PTPRM: variants seen among roughly 807,000 people sequenced by gnomAD.
PTPRM encodes protein tyrosine phosphatase receptor type M, also known as receptor-type tyrosine-protein phosphatase mu.
A neutral mutation model predicts 186.7 loss-of-function variants in PTPRM; 47 were observed. That is an observed-to-expected ratio of 0.25 (90% CI 0.20 to 0.32). PTPRM has a LOEUF of 0.32. Ranked by LOEUF, PTPRM falls within the 10% of genes least tolerant of loss-of-function variation. The probability of loss-of-function intolerance (pLI) is 1.00; values close to 1 mark genes in which losing one functional copy is unlikely to be tolerated. For missense variants in PTPRM, 1,494 were observed against 1,865.0 expected (o/e 0.80, Z 3.66); for synonymous variants, 668 against 674.9 (o/e 0.99, Z 0.16).
intron 13 of PTPRM, among the ~76,000 whole-genome samples, chr18:8,136,225 A>C (rs907013414): frequency 9.2e-5 from 14 of 152,240 alleles, no homozygotes; most frequent in African/African-American, 3.4e-4. Context: ...ACTTATGTGA[A>C]AGTTGCACAC....
intron 15 of PTPRM, 25 bp from the exon 16 acceptor site, chr18:8,247,819 CT>C (rs1568598122): frequency 1.3e-6 from 2 of 1,539,718 alleles, no homozygotes; most frequent in Non-Finnish European, 1.8e-6. Flanking sequence ...TCTGCTGCCC[CT>C]GACCAGCCTC....
At chr18:8,237,551 C>T (rs548196818) in intron 14 of PTPRM, among the ~76,000 whole-genome samples, 18 of 149,616 alleles carry the variant, frequency 1.2e-4, no homozygotes, top group African/African-American at 2.9e-4. Context: ...CGGGTTCAAG[C>T]GATTCTCCTG....
intron 1 of PTPRM, among the ~76,000 whole-genome samples, chr18:7,703,609 CCT>C (rs1222722904): frequency 1.3e-5 from 2 of 152,124 alleles, no homozygotes; most frequent in African/African-American, 4.8e-5. Context: ...ACAATCATGT[CCT>C]CTGCAAACAG....
intron 1 of PTPRM, among the ~76,000 whole-genome samples, chr18:7,682,836 T>C (rs1165924878): frequency 6.6e-6 from 1 of 152,118 alleles, no homozygotes; most frequent in Non-Finnish European, 1.5e-5. Flanking sequence ...GTCTTGGGCA[T>C]TGGGGGGGTG....
intron 23 of PTPRM, among the ~76,000 whole-genome samples, chr18:8,354,393 C>T (rs1042933036): frequency 2.6e-5 from 4 of 151,752 alleles, no homozygotes; most frequent in African/African-American, 4.8e-5. Flanking sequence ...AGGAATAGGG[C>T]GAGAACAAAG....
intron 31 of PTPRM, among the ~76,000 whole-genome samples, chr18:8,391,036 A>C (rs2095809149): frequency 6.6e-6 from 1 of 152,128 alleles, no homozygotes. Flanking sequence ...AGGCAAATCC[A>C]CATTGAAACC....
intron 7 of PTPRM, among the ~76,000 whole-genome samples, chr18:7,968,924 C>T (rs1414683916): frequency 2.0e-5 from 1 of 50,758 alleles, no homozygotes; most frequent in Non-Finnish European, 3.7e-5. Context: ...CAAGGATACC[C>T]AGGAATTGAA....
At chr18:8,156,355 T>C (rs980458716) in intron 14 of PTPRM, among the ~76,000 whole-genome samples, 1 of 152,326 alleles carries the variant, frequency 6.6e-6, no homozygotes, top group Middle Eastern at 3.4e-3. Flanking sequence ...CTTTAGAATC[T>C]GACGAACCTG....
chr18:8,355,985 T>C (rs543518514), intron 23 of PTPRM, among the ~76,000 whole-genome samples: 20 of 152,180 alleles, frequency 1.3e-4, no homozygotes, highest in Non-Finnish European at 2.9e-4. Flanking sequence ...GTTCATGTGC[T>C]CATCCCTCGC....
chr18:8,186,171 C>A (rs1014232970), intron 14 of PTPRM, among the ~76,000 whole-genome samples: 1 of 151,816 alleles, frequency 6.6e-6, no homozygotes, highest in Non-Finnish European at 1.5e-5. Context: ...AATAAAAATA[C>A]AAAAACTAGC....
At chr18:8,265,972 C>A (rs936699877) in intron 19 of PTPRM, among the ~76,000 whole-genome samples, 2 of 151,948 alleles carry the variant, frequency 1.3e-5, no homozygotes, top group Non-Finnish European at 2.9e-5. Flanking sequence ...GGGACATGGC[C>A]ATCACGTATG....
Position 8,257,815 on chromosome 18 carries a change from A to G in PTPRM, c.2754+4401A>G, listed in dbSNP as rs551894220. Among the ~76,000 whole-genome samples the G allele has an allele frequency of 4.6e-5, 7 of 152,322 alleles. No individual in the cohort carries two copies. In the East Asian group the frequency reaches 1.4e-3, roughly 29 times the overall value. The stretch of plus-strand genomic sequence containing the variant: ...TGAAGTAGTGATGTTCTCTCTGCTG[A>G]ACAGGTTTCAACCAATTCTTCTTTA... On this transcript the variant is annotated intron_variant, in intron 19 of 32. Transcript: ENST00000580170.
intron 11 of PTPRM, 103 bp downstream of exon 11, chr18:8,088,954 A>G: frequency 2.3e-6 from 2 of 883,214 alleles, no homozygotes; most frequent in Non-Finnish European, 3.6e-6. Context: ...AATCTCAGCC[A>G]GCATGTAAAT....
At chr18:7,885,971 C>T (rs1379061032) in intron 2 of PTPRM, among the ~76,000 whole-genome samples, 5 of 152,170 alleles carry the variant, frequency 3.3e-5, no homozygotes, top group Non-Finnish European at 2.9e-5. Flanking sequence ...CTTATTTTGC[C>T]GTCCTGTGTA....
intron 14 of PTPRM, among the ~76,000 whole-genome samples, chr18:8,210,634 A>G (rs2093990677): frequency 6.6e-6 from 1 of 152,216 alleles, no homozygotes; most frequent in African/African-American, 2.4e-5. Context: ...CAAGTGGGAA[A>G]GCCGAGGTCA....
chr18:7,894,673 G>A (rs2049263987), intron 3 of PTPRM, among the ~76,000 whole-genome samples: 2 of 151,750 alleles, frequency 1.3e-5, no homozygotes, highest in Admixed American at 6.6e-5. Context: ...ATTTTCTTAT[G>A]TGAACATGGT....
At chr18:7,772,064 A>G (rs1170769364) in intron 1 of PTPRM, among the ~76,000 whole-genome samples, 1 of 152,228 alleles carries the variant, frequency 6.6e-6, no homozygotes, top group African/African-American at 2.4e-5. Context: ...GAATGTGGTT[A>G]AGGGCAGTAG....
At chr18:8,200,843 A>G (rs117718508) in intron 14 of PTPRM, among the ~76,000 whole-genome samples, 1,595 of 152,364 alleles carry the variant, frequency 0.01, 123 homozygotes, top group Admixed American at 0.095. Flanking sequence ...TTTTACTCCT[A>G]AATACCTGGG....
chr18:8,205,415 A>G (rs1216478849), intron 14 of PTPRM, among the ~76,000 whole-genome samples: 4 of 152,180 alleles, frequency 2.6e-5, no homozygotes, highest in Non-Finnish European at 5.9e-5. Context: ...AAACATGCAT[A>G]TGGTTTTCAT....
Sources: gnomAD v4.1 joint callset for allele counts (sites outside exome capture counted in the v4.1 genomes callset) on GRCh38, gnomAD v4.1.1 for gene constraint, MANE v1.5 for transcripts, NCBI Gene and HGNC (gene_info 2026-07-23, HGNC 2026-07-21) for gene names.